Variants in UMODL1 observed in about 807,000 individuals in gnomAD.
UMODL1 encodes uromodulin-like 1.
Under a neutral mutation model 136.3 loss-of-function variants are expected in UMODL1, and 128 were observed. The ratio of observed to expected loss-of-function variants is 0.94; its 90% CI spans 0.81 to 1.09. The LOEUF is 1.09. UMODL1 is among the 50% of genes least tolerant of loss of function. The probability of loss-of-function intolerance (pLI) is 0.00; values close to 1 mark genes in which losing one functional copy is unlikely to be tolerated. For synonymous variants in UMODL1, 721 were observed against 720.0 expected (o/e 1.00, Z -0.02); for missense variants, 1,766 against 1,725.6 (o/e 1.02, Z -0.41).
At chr21:42,118,983 C>A (rs779592885) in intron 14 of UMODL1, 128 bp from the exon 15 acceptor site, 1 of 886,622 alleles carries the variant, frequency 1.1e-6, no homozygotes, top group Non-Finnish European at 1.7e-6. Flanking sequence ...CAGAACCAAC[C>A]TGTGGCTTTT....
At chr21:42,075,248 G>T (rs960836644) in intron 1 of UMODL1, among the ~76,000 whole-genome samples, 5 of 151,856 alleles carry the variant, frequency 3.3e-5, no homozygotes, top group East Asian at 1.9e-4. Context: ...AGATGGGGGG[G>T]GGGTTTCACC....
chr21:42,123,863 T>C lies in UMODL1; in HGVS notation c.3147+713T>C, dbSNP rs144971728. 5.0e-3 allele frequency among the ~76,000 whole-genome samples: 759 copies of C among 152,326 alleles called. 2 individuals carry two copies. Among genetic ancestry groups the C allele is most frequent in the Non-Finnish European group, 8.4e-3 (570 of 68,020 alleles). On this transcript the variant is annotated intron_variant, in intron 17 of 22. Transcript: ENST00000408910. This position sits in a 1 kb window ranked among gnomAD's most constrained non-coding sequence, Gnocchi z 4.4. Reference sequence around the variant, plus strand: ...GAACTGCTCTGTCGGAGGGACTGTGTTCCTAGCGAACATTCTCTATTTCAG... The same window carrying C: ...GAACTGCTCTGTCGGAGGGACTGTGCTCCTAGCGAACATTCTCTATTTCAG...
At chr21:42,132,845 T>C (rs776183876) in intron 21 of UMODL1, among the ~76,000 whole-genome samples, 3 of 152,234 alleles carry the variant, frequency 2.0e-5, no homozygotes, top group Non-Finnish European at 4.4e-5. Context: ...ATATGAATTG[T>C]GCCTTATTTT....
chr21:42,083,998 C>T, intron 2 of UMODL1, 86 bp from the exon 3 acceptor site: 2 of 1,509,468 alleles, frequency 1.3e-6, no homozygotes, highest in Non-Finnish European at 1.8e-6. Flanking sequence ...AATTCAGCAC[C>T]AGGAAGCACC....
rs1011653493 is a variant in UMODL1, at chr21:42,099,955, C to T, written c.1186+775C>T. 2.6e-5 allele frequency among the ~76,000 whole-genome samples: 4 copies of T among 152,188 alleles called. No individual in the cohort carries two copies. The highest frequency in any genetic ancestry group is 4.4e-5 in the Non-Finnish European group (3 of 68,036). ...GCAACTTTTGTCTCCAAAACACACA[C>T]GACACACACATGAACTTGGGGCTTG... On this transcript the variant is annotated intron_variant, in intron 7 of 22. Coordinates refer to ENST00000408910, the MANE Select transcript of UMODL1 (RefSeq NM_001004416.3). The surrounding 1 kb of genome is among the most constrained non-coding windows in gnomAD (Gnocchi z 4.1).
In UMODL1 at chr21:42,121,512, C is replaced by G. The variant is rs77798653; in HGVS notation, c.2827+288C>G. 2.2e-3 allele frequency among the ~76,000 whole-genome samples: 328 copies of G among 152,276 alleles called. 1 individual carries two copies. The East Asian group carries it at 0.026, about 12-fold the overall frequency. ...CTGATATCCATGGAGAGAAAATATA[C>G]ACATACATGAGGTGTGAACGTGCAG... On this transcript the variant is annotated intron_variant, in intron 16 of 22. Coordinates refer to ENST00000408910, the MANE Select transcript of UMODL1 (RefSeq NM_001004416.3).
intron 10 of UMODL1, among the ~76,000 whole-genome samples, chr21:42,110,518 G>A (rs953999362): frequency 2.0e-5 from 3 of 152,216 alleles, no homozygotes; most frequent in Admixed American, 2.0e-4. Flanking sequence ...CCCACATTGA[G>A]CACAAATCTG....
chr21:42,096,247 G>A (rs967847515), intron 6 of UMODL1, among the ~76,000 whole-genome samples: 9 of 152,138 alleles, frequency 5.9e-5, no homozygotes, highest in African/African-American at 1.9e-4. Flanking sequence ...CAGGGATAAT[G>A]CATTTCTTTG....
intron 18 of UMODL1, 113 bp from the exon 19 acceptor site, chr21:42,126,893 C>T (rs977375677): frequency 2.2e-5 from 20 of 903,054 alleles, no homozygotes; most frequent in Admixed American, 1.1e-4. Flanking sequence ...GGGGTCTTCT[C>T]GTTCATTTGC....
At chr21:42,065,587 G>A (rs1018491885) in intron 1 of UMODL1, among the ~76,000 whole-genome samples, 1 of 151,412 alleles carries the variant, frequency 6.6e-6, no homozygotes, top group African/African-American at 2.4e-5. Flanking sequence ...ACCCTGACTG[G>A]AGTACAGTGG....
intron 7 of UMODL1, among the ~76,000 whole-genome samples, chr21:42,101,175 G>C (rs996268388): frequency 8.6e-5 from 13 of 151,794 alleles, no homozygotes; most frequent in African/African-American, 2.4e-4. Flanking sequence ...TCATGAGCCT[G>C]TGACACCGGG....
At chr21:42,096,921 A>G (rs1052289360) in intron 6 of UMODL1, among the ~76,000 whole-genome samples, 2 of 152,194 alleles carry the variant, frequency 1.3e-5, no homozygotes, top group Non-Finnish European at 2.9e-5. Context: ...AGTGAGACAT[A>G]TGTTCCCAAG....
intron 13 of UMODL1, 118 bp downstream of exon 13, chr21:42,113,948 C>G: frequency 7.2e-7 from 1 of 1,383,140 alleles, no homozygotes; most frequent in Non-Finnish European, 9.7e-7. Context: ...CATTGTTCTT[C>G]TCAGCTTAGG....
In UMODL1 at chr21:42,142,949, T is replaced by C. The variant is rs1389846989; in HGVS notation, c.*875T>C. 6.6e-6 allele frequency: 1 copy of C among 152,220 alleles called. No homozygotes were observed. Among genetic ancestry groups the C allele is most frequent in the East Asian group, 1.9e-4 (1 of 5,206 alleles). 9.4% of individuals were successfully genotyped at this position (152,220 alleles called of 1,614,324 possible). On this transcript the variant is annotated 3_prime_UTR_variant, in exon 23 of 23. Coordinates refer to ENST00000408910, the MANE Select transcript of UMODL1 (RefSeq NM_001004416.3). ...TCCATTACATCATCCTAAGAGATAA[T>C]GCTCTGTACTTCATTTGAAATAAAC...
chr21:42,110,412 G>T (rs1055183489), intron 10 of UMODL1, among the ~76,000 whole-genome samples: 10 of 152,310 alleles, frequency 6.6e-5, no homozygotes, highest in African/African-American at 2.4e-4. Flanking sequence ...TAGACACTGC[G>T]TGTGCTGTCC....
At chr21:42,068,213 C>T (rs1425698396), upstream of UMODL1, among the ~76,000 whole-genome samples, 1 of 152,168 alleles carries the variant, frequency 6.6e-6, no homozygotes, top group Admixed American at 6.5e-5. This position sits in a 1 kb window ranked among gnomAD's most constrained non-coding sequence, Gnocchi z 5.5. Flanking sequence ...CCACTGGATT[C>T]GTGTCCTGGT....
rs577161508 is a variant in UMODL1, at chr21:42,106,585, G to A, written c.1519+2498G>A. ...CCGGGGCCTGGGGTTTCCTGCGCCA[G>A]TCACGGTGGGCTGTGTAGGTGGCCA... On this transcript the variant is annotated intron_variant, in intron 9 of 22. Transcript: ENST00000408910. Among the ~76,000 whole-genome samples the A allele has an allele frequency of 2.8e-3, 423 of 152,290 alleles. 3 individuals are homozygous for A. The highest frequency in any genetic ancestry group is 9.0e-3 in the African/African-American group (374 of 41,562).
chr21:42,114,984 CA>C (rs1172081602), intron 13 of UMODL1, among the ~76,000 whole-genome samples: 1 of 152,232 alleles, frequency 6.6e-6, no homozygotes, highest in East Asian at 1.9e-4. Flanking sequence ...CAGAAGCCCT[CA>C]GGGGCAGCAA....
At chr21:42,114,291 T>A (rs920977386) in intron 13 of UMODL1, among the ~76,000 whole-genome samples, 1 of 152,106 alleles carries the variant, frequency 6.6e-6, no homozygotes. Context: ...AAGTAAAGAA[T>A]TGAGCAATAA....
Sources: gnomAD v4.1 joint callset for allele counts (sites outside exome capture counted in the v4.1 genomes callset) on GRCh38, gnomAD v4.1.1 for gene constraint, Gnocchi (gnomAD v3.1) non-coding constraint, MANE v1.5 for transcripts, NCBI Gene and HGNC (gene_info 2026-07-23, HGNC 2026-07-21) for gene names.